Variants in COL19A1 observed in about 807,000 individuals in gnomAD.
COL19A1 encodes collagen alpha-1(XIX) chain.
COL19A1 carries 159 observed loss-of-function variants against 190.2 expected under a neutral mutation model. The ratio of observed to expected loss-of-function variants is 0.84; its 90% CI spans 0.73 to 0.95. The LOEUF is 0.95. Among genes scored for constraint, COL19A1 ranks in the 40% least tolerant of loss-of-function variants. The probability of loss-of-function intolerance (pLI) is 0.00; values close to 1 mark genes in which losing one functional copy is unlikely to be tolerated. For missense variants in COL19A1, 1,418 were observed against 1,431.9 expected (o/e 0.99, Z 0.16); for synonymous variants, 509 against 458.9 (o/e 1.11, Z -1.39).
intron 4 of COL19A1, among the ~76,000 whole-genome samples, chr6:69,921,481 T>TATATATTCATATATAGTC (rs1771894824): frequency 1.2e-5 from 1 of 86,434 alleles, no homozygotes; most frequent in Non-Finnish European, 2.0e-5. Context: ...CATATATTCA[T>TATATATTCATATATAGTC]ATATATTCAT....
chr6:69,942,811 C>A (rs1166130457), intron 9 of COL19A1, among the ~76,000 whole-genome samples: 1 of 151,510 alleles, frequency 6.6e-6, no homozygotes, highest in African/African-American at 2.4e-5. Flanking sequence ...TTGATAGACA[C>A]CCATTTTGAT....
chr6:69,912,475 G>C (rs1561988227), intron 4 of COL19A1, among the ~76,000 whole-genome samples: 1 of 152,120 alleles, frequency 6.6e-6, no homozygotes, highest in Non-Finnish European at 1.5e-5. Flanking sequence ...TTTTCTTCTT[G>C]TTTTCTAATT....
In COL19A1 at chr6:70,130,239, T is replaced by A. The variant is rs755250356; in HGVS notation, c.1383+16T>A. The stretch of plus-strand genomic sequence containing the variant: ...AGGAGACAAGGTAATCAGATTTTTT[T>A]TTTTTAGATGGAGTCTTGCTCTGTT... On this transcript the variant is annotated intron_variant, in intron 18 of 50. Coordinates refer to ENST00000620364, the MANE Select transcript of COL19A1 (RefSeq NM_001858.6). 1.7e-5 allele frequency: 28 copies of A among 1,611,134 alleles called. No individual in the cohort carries two copies. The highest frequency in any genetic ancestry group is 2.3e-5 in the Non-Finnish European group (27 of 1,178,480).
intron 31 of COL19A1, 90 bp downstream of exon 31, chr6:70,151,528 G>C: frequency 7.9e-7 from 1 of 1,258,902 alleles, no homozygotes. Context: ...CAATTGCTTA[G>C]CTGGAACTAA....
intron 8 of COL19A1, 52 bp from the exon 9 acceptor site, chr6:69,937,986 T>G (rs1047377090): frequency 1.3e-6 from 2 of 1,567,630 alleles, no homozygotes; most frequent in African/African-American, 2.7e-5. Flanking sequence ...CCATTTGGCT[T>G]TAGATCAATG....
intron 9 of COL19A1, among the ~76,000 whole-genome samples, chr6:69,950,472 G>A (rs534192209): frequency 6.6e-6 from 1 of 151,862 alleles, no homozygotes; most frequent in South Asian, 2.1e-4. Flanking sequence ...GAACAGCTAT[G>A]ATTTTGCCTA....
chr6:70,162,324 A>AG, intron 35 of COL19A1, among the ~76,000 whole-genome samples: 1 of 151,882 alleles, frequency 6.6e-6, no homozygotes, highest in East Asian at 1.9e-4. Flanking sequence ...AAAGGAAAAA[A>AG]AAGTGTGCTA....
chr6:69,950,300 A>G (rs910930904), intron 9 of COL19A1, among the ~76,000 whole-genome samples: 3 of 151,858 alleles, frequency 2.0e-5, no homozygotes, highest in African/African-American at 7.2e-5. Context: ...GGACTCTAAT[A>G]AGGATGAAGT....
At chr6:69,936,390 G>T (rs970903501) in intron 7 of COL19A1, among the ~76,000 whole-genome samples, 2 of 151,870 alleles carry the variant, frequency 1.3e-5, no homozygotes, top group African/African-American at 2.4e-5. Context: ...ATATTTTATA[G>T]GTTCAAATTA....
intron 11 of COL19A1, among the ~76,000 whole-genome samples, chr6:69,969,227 T>G (rs1322811238): frequency 6.6e-6 from 1 of 152,226 alleles, no homozygotes; most frequent in Non-Finnish European, 1.5e-5. Context: ...TTATTATATA[T>G]CTTTATTTGT....
intron 11 of COL19A1, among the ~76,000 whole-genome samples, chr6:69,999,235 T>A: frequency 6.6e-6 from 1 of 150,892 alleles, no homozygotes; most frequent in Admixed American, 6.6e-5. Flanking sequence ...CTTTTTTAAT[T>A]GCTAAAATTA....
At chr6:70,172,321 G>C (rs1181261200) in intron 41 of COL19A1, among the ~76,000 whole-genome samples, 1 of 152,140 alleles carries the variant, frequency 6.6e-6, no homozygotes, top group African/African-American at 2.4e-5. Context: ...AAGGAGGTGA[G>C]AGGGAGAGCC....
intron 36 of COL19A1, among the ~76,000 whole-genome samples, 162 bp from the exon 37 acceptor site, chr6:70,165,779 C>G: frequency 6.6e-6 from 1 of 152,146 alleles, no homozygotes; most frequent in East Asian, 1.9e-4. Flanking sequence ...AAATGTATTT[C>G]CTGGGTAAAG....
intron 41 of COL19A1, among the ~76,000 whole-genome samples, chr6:70,172,755 C>T (rs181783324): frequency 2.3e-4 from 35 of 152,270 alleles, no homozygotes; most frequent in African/African-American, 8.2e-4. Flanking sequence ...AATAAAAAGG[C>T]TTAACAGCTA....
intron 35 of COL19A1, among the ~76,000 whole-genome samples, chr6:70,162,376 A>T (rs2676613): frequency 0.71 from 107,986 of 151,928 alleles, 39,146 homozygotes; most frequent in African/African-American, 0.86. Flanking sequence ...TATGTATAAA[A>T]TAAAATACCT....
chr6:70,199,516 C>T (rs1057271475), intron 48 of COL19A1, 92 bp from the exon 49 acceptor site: 24 of 1,025,566 alleles, frequency 2.3e-5, no homozygotes, highest in Non-Finnish European at 3.0e-5. Flanking sequence ...AAAACTAAAT[C>T]TTTTTGTTTG....
At chr6:69,981,981 A>G (rs1256569432) in intron 11 of COL19A1, among the ~76,000 whole-genome samples, 1 of 152,170 alleles carries the variant, frequency 6.6e-6, no homozygotes, top group East Asian at 1.9e-4. Context: ...TGCTACAATA[A>G]TACACAAATG....
intron 11 of COL19A1, among the ~76,000 whole-genome samples, chr6:70,008,742 A>C (rs1222775089): frequency 4.6e-5 from 7 of 151,902 alleles, no homozygotes; most frequent in Non-Finnish European, 7.4e-5. Context: ...TCCATAGGCC[A>C]ATATCTCTCA....
chr6:70,092,666 T>C (rs979819328), intron 15 of COL19A1, among the ~76,000 whole-genome samples: 1 of 152,210 alleles, frequency 6.6e-6, no homozygotes, highest in African/African-American at 2.4e-5. Flanking sequence ...GTTCTCTTCA[T>C]TTGTCAGACA....
Sources: gnomAD v4.1 joint callset for allele counts (sites outside exome capture counted in the v4.1 genomes callset) on GRCh38, gnomAD v4.1.1 for gene constraint, MANE v1.5 for transcripts, NCBI Gene and HGNC (gene_info 2026-07-23, HGNC 2026-07-21) for gene names.